The following KLHL29 variants were observed in gnomAD, a reference collection of about 807,000 sequenced individuals.
KLHL29 encodes the protein kelch-like protein 29.
A neutral mutation model predicts 80.4 loss-of-function variants in KLHL29; 21 were observed. The observed-to-expected ratio is 0.26, with a 90% confidence interval of 0.19 to 0.38. The LOEUF is 0.38. Among genes scored for constraint, KLHL29 ranks in the 10% least tolerant of loss-of-function variants. KLHL29 has a pLI of 1.00. For missense variants in KLHL29, 867 were observed against 1,223.9 expected (o/e 0.71, Z 4.35); for synonymous variants, 511 against 526.8 (o/e 0.97, Z 0.41).
Position 23,542,125 on chromosome 2 carries a change from T to G in KLHL29, c.-45-20027T>G, listed in dbSNP as rs184613601. 2.4e-3 allele frequency among the ~76,000 whole-genome samples: 361 copies of G among 152,320 alleles called. 3 individuals carry two copies. Among genetic ancestry groups the G allele is most frequent in the African/African-American group, 8.2e-3 (341 of 41,560 alleles). Reference sequence around the variant, plus strand: ...CCAGGGTGGTGGCAGTGTTTTGTTTTCTTTTAATTTCCAACCCTTTGATCT... The same window carrying G: ...CCAGGGTGGTGGCAGTGTTTTGTTTGCTTTTAATTTCCAACCCTTTGATCT... On this transcript the variant is annotated intron_variant, in intron 2 of 13. Transcript: ENST00000486442.
intron 3 of KLHL29, among the ~76,000 whole-genome samples, chr2:23,577,181 C>T (rs563595282): frequency 2.5e-4 from 38 of 152,304 alleles, no homozygotes; most frequent in Admixed American, 1.6e-3. Context: ...CCAGTGCAGT[C>T]GCTCACGCCT....
At chr2:23,527,507 G>C (rs58740895) in intron 2 of KLHL29, among the ~76,000 whole-genome samples, 4,319 of 152,292 alleles carry the variant, frequency 0.028, 204 homozygotes, top group African/African-American at 0.098. Flanking sequence ...GGAGAGGCTT[G>C]CCTGCTTAGA....
At chr2:23,699,115 G>A (rs1234185707) in intron 11 of KLHL29, among the ~76,000 whole-genome samples, 1 of 152,178 alleles carries the variant, frequency 6.6e-6, no homozygotes, top group African/African-American at 2.4e-5. Flanking sequence ...TTCCAGCCTC[G>A]TCTCAAATCC....
rs775831832 is a variant in KLHL29 at position 23,642,837 on chromosome 2, G to A, written c.927G>A (p.Pro309=). Residue 309 remains proline, a synonymous_variant, in exon 5 of 14, where the codon CCG becomes CCA. Transcript: ENST00000486442. The part of the protein sequence containing the change: ...IGVGKYEFTD[P]GHPREMLKEL... ...TGGGGAAGTATGAGTTCACCGACCC[G>A]GGGCACCCCAGAGGTAAGTCCTGCT... 1.9e-5 allele frequency: 30 copies of A among 1,550,248 alleles called. No individual in the cohort carries two copies. Among genetic ancestry groups the A allele is most frequent in the East Asian group, 4.9e-5 (2 of 40,914 alleles).
chr2:23,530,392 TTACTC>T (rs938094399), intron 2 of KLHL29, among the ~76,000 whole-genome samples: 3 of 152,178 alleles, frequency 2.0e-5, no homozygotes, highest in Non-Finnish European at 4.4e-5. Context: ...TAATAACTAA[TTACTC>T]TAATGATCCT....
intron 2 of KLHL29, among the ~76,000 whole-genome samples, chr2:23,489,276 G>A (rs993713576): frequency 8.5e-5 from 13 of 152,112 alleles, no homozygotes; most frequent in African/African-American, 2.4e-4. Context: ...CGCGAGCCTG[G>A]TTGGTCCTTC....
chr2:23,703,604 A>T, intron 12 of KLHL29, 115 bp from the exon 13 acceptor site: 1 of 1,292,264 alleles, frequency 7.7e-7, no homozygotes, highest in Non-Finnish European at 1.0e-6. Flanking sequence ...CAGGCCAATC[A>T]GTCACTTGTT....
At position 23,398,280 on chromosome 2, in the gene KLHL29, T is replaced by C. The variant is rs1666502686; in HGVS notation, c.-154+12500T>C. ...CATACAATGGAAGATGATTCAGCCT[T>C]AAAAAGGAAGGAACTTTTGACACAC... On this transcript the variant is annotated intron_variant, in intron 1 of 13. Coordinates refer to ENST00000486442, the MANE Select transcript of KLHL29 (RefSeq NM_052920.2). Among the ~76,000 whole-genome samples the C allele has an allele frequency of 2.0e-5, 3 of 152,234 alleles. No individual in the cohort carries two copies. The South Asian group carries it at 6.2e-4, about 31-fold the overall frequency.
chr2:23,506,739 A>G (rs990058839), intron 2 of KLHL29, among the ~76,000 whole-genome samples: 6 of 152,156 alleles, frequency 3.9e-5, no homozygotes, highest in Non-Finnish European at 7.3e-5. Context: ...TCCAGGAACC[A>G]CCGGCTCTTC....
At chr2:23,665,978 A>G (rs1163763830) in intron 5 of KLHL29, among the ~76,000 whole-genome samples, 1 of 152,226 alleles carries the variant, frequency 6.6e-6, no homozygotes, top group Admixed American at 6.5e-5. Flanking sequence ...GACACTGTCC[A>G]TTCTTGCCCT....
intron 13 of KLHL29, 36 bp downstream of exon 13, chr2:23,703,899 G>T: frequency 1.3e-6 from 2 of 1,513,870 alleles, no homozygotes; most frequent in Non-Finnish European, 8.8e-7. Flanking sequence ...GGGCTGGGAC[G>T]GAGGAGTGGG....
At chr2:23,431,173 A>G (rs1246497696) in intron 1 of KLHL29, among the ~76,000 whole-genome samples, 2 of 152,186 alleles carry the variant, frequency 1.3e-5, no homozygotes, top group Non-Finnish European at 2.9e-5. Flanking sequence ...TCAGAGGTGT[A>G]TGTGGAGTCC....
intron 2 of KLHL29, among the ~76,000 whole-genome samples, chr2:23,525,737 C>CG (rs1368566285): frequency 7.1e-5 from 2 of 28,132 alleles, no homozygotes; most frequent in East Asian, 9.5e-4. Flanking sequence ...CCCCCCCCCC[C>CG]CACCCGAGGC....
intron 2 of KLHL29, among the ~76,000 whole-genome samples, chr2:23,491,588 C>T (rs963080482): frequency 1.1e-4 from 17 of 152,106 alleles, no homozygotes; most frequent in Non-Finnish European, 2.1e-4. Flanking sequence ...TCCTCTTGCC[C>T]TCAGGTAGCT....
intron 3 of KLHL29, among the ~76,000 whole-genome samples, chr2:23,594,242 A>G (rs1185449299): frequency 6.6e-6 from 1 of 152,100 alleles, no homozygotes; most frequent in Non-Finnish European, 1.5e-5. Context: ...GCTTCATGGA[A>G]CATGCAGCGA....
intron 1 of KLHL29, among the ~76,000 whole-genome samples, chr2:23,456,349 C>G (rs1337894525): frequency 6.6e-6 from 1 of 152,224 alleles, no homozygotes; most frequent in Non-Finnish European, 1.5e-5. Context: ...CTCCACAGAA[C>G]CCCCAGCATG....
intron 2 of KLHL29, among the ~76,000 whole-genome samples, chr2:23,484,016 C>T (rs1362332284): frequency 6.6e-6 from 1 of 152,182 alleles, no homozygotes; most frequent in Non-Finnish European, 1.5e-5. Flanking sequence ...GTCCCAACCC[C>T]CACTCAGGAA....
chr2:23,452,808 C>T (rs1386399561), intron 1 of KLHL29, among the ~76,000 whole-genome samples: 1 of 152,164 alleles, frequency 6.6e-6, no homozygotes, highest in Admixed American at 6.5e-5. Flanking sequence ...GACATACTTA[C>T]TGGCTTGCTT....
intron 3 of KLHL29, among the ~76,000 whole-genome samples, chr2:23,589,186 C>T (rs537157294): frequency 2.0e-5 from 3 of 152,388 alleles, no homozygotes; most frequent in East Asian, 3.9e-4. Flanking sequence ...CTTTGCGCCC[C>T]GTTCCTGGGC....
Sources: gnomAD v4.1 joint callset for allele counts (sites outside exome capture counted in the v4.1 genomes callset) on GRCh38, gnomAD v4.1.1 for gene constraint, MANE v1.5 for transcripts, NCBI Gene and HGNC (gene_info 2026-07-23, HGNC 2026-07-21) for gene names.